Variants in ATRX observed in about 807,000 individuals in gnomAD.
ATRX encodes the protein ATRX chromatin remodeler.
ATRX carries 12 observed loss-of-function variants against 172.6 expected under a neutral mutation model. The observed-to-expected ratio is 0.07, with a 90% CI of 0.04 to 0.11. The LOEUF (loss-of-function observed/expected upper bound fraction) is 0.11, where lower values mean the gene tolerates loss of function less well. Among genes scored for constraint, ATRX ranks in the 10% least tolerant of loss-of-function variants. The pLI is 1.00. For synonymous variants in ATRX, 674 were observed against 594.7 expected (o/e 1.13, Z -1.94); for missense variants, 1,368 against 1,767.4 (o/e 0.77, Z 4.05).
At chrX:77,780,607 C>T (rs1338402806) in intron 1 of ATRX, among the ~76,000 whole-genome samples, 1 of 108,423 alleles carries the variant, frequency 9.2e-6, no homozygotes, top group Non-Finnish European at 1.9e-5. Context: ...GGATTACAGG[C>T]GTGAGCCACT....
chrX:77,548,972 G>C (rs1388252989), intron 30 of ATRX, among the ~76,000 whole-genome samples: 1 of 112,181 alleles, frequency 8.9e-6, no homozygotes, highest in Admixed American at 9.5e-5. Context: ...CTGGAAAAGG[G>C]AAGTATAAAA....
chrX:77,665,272 A>G (rs189375918), intron 10 of ATRX, among the ~76,000 whole-genome samples: 4 of 112,665 alleles, frequency 3.6e-5, no homozygotes, highest in Admixed American at 2.8e-4. Context: ...GCTTCAAACT[A>G]GAGGATGATA....
intron 28 of ATRX, among the ~76,000 whole-genome samples, chrX:77,571,965 A>G (rs1381140349): frequency 1.8e-5 from 2 of 112,112 alleles, no homozygotes; most frequent in Non-Finnish European, 3.8e-5. Flanking sequence ...GGCATAAACA[A>G]GGATTATATT....
At chrX:77,703,699 C>G (rs1352410339) in intron 2 of ATRX, among the ~76,000 whole-genome samples, 2 of 112,301 alleles carry the variant, frequency 1.8e-5, no homozygotes, top group Non-Finnish European at 3.8e-5. Flanking sequence ...TTAGCCTCAT[C>G]TGGCAGGTCC....
At chrX:77,688,691 C>A in intron 7 of ATRX, 127 bp downstream of exon 7, 3 of 548,684 alleles carry the variant, frequency 5.5e-6, no homozygotes, top group Non-Finnish European at 9.4e-6. Context: ...ATTTTCCCCA[C>A]TATAGTAGAA....
At chrX:77,646,380 G>C (rs185950460) in intron 15 of ATRX, among the ~76,000 whole-genome samples, 7 of 111,525 alleles carry the variant, frequency 6.3e-5, no homozygotes, top group Non-Finnish European at 1.1e-4. Flanking sequence ...AGGATATTAT[G>C]TATTGATAAT....
intron 2 of ATRX, among the ~76,000 whole-genome samples, chrX:77,709,436 A>T (rs1172183173): frequency 3.6e-5 from 4 of 110,298 alleles, no homozygotes; most frequent in Admixed American, 9.7e-5. Flanking sequence ...AGTTTCTTTT[A>T]AAAAAATGAA....
chrX:77,514,278 C>CA (rs1438233227), intron 34 of ATRX, among the ~76,000 whole-genome samples: 5 of 110,946 alleles, frequency 4.5e-5, no homozygotes, highest in South Asian at 3.7e-4. Context: ...TATGGAACAA[C>CA]AAAAAAAAGG....
chrX:77,773,525 G>A (rs781997573), intron 1 of ATRX, among the ~76,000 whole-genome samples: 10 of 111,193 alleles, frequency 9.0e-5, no homozygotes, highest in African/African-American at 1.3e-4. Flanking sequence ...AGGCCAAGGC[G>A]GGCGGATCAC....
intron 1 of ATRX, among the ~76,000 whole-genome samples, chrX:77,746,421 T>C (rs1011316103): frequency 1.1e-4 from 12 of 112,087 alleles, no homozygotes; most frequent in African/African-American, 3.6e-4. Context: ...TATATACTTA[T>C]TGTATTTGAG....
At chrX:77,756,149 G>A (rs192161959) in intron 1 of ATRX, among the ~76,000 whole-genome samples, 229 of 111,731 alleles carry the variant, frequency 2.0e-3, no homozygotes, top group Non-Finnish European at 3.5e-3. Context: ...AGTGCTGTCA[G>A]GGGAAAACTG....
At chrX:77,511,694 C>A (rs1261729719) in intron 34 of ATRX, among the ~76,000 whole-genome samples, 3 of 111,634 alleles carry the variant, frequency 2.7e-5, no homozygotes, top group Non-Finnish European at 5.6e-5. Flanking sequence ...TATTAAGAGT[C>A]TCTTAATAGC....
chrX:77,768,989 A>C (rs2076065489), intron 1 of ATRX, among the ~76,000 whole-genome samples: 1 of 111,241 alleles, frequency 9.0e-6, no homozygotes, highest in Non-Finnish European at 1.9e-5. Flanking sequence ...CACCATCACA[A>C]GCCACAATTT....
At chrX:77,742,943 A>G (rs1210236600) in intron 1 of ATRX, among the ~76,000 whole-genome samples, 4 of 111,428 alleles carry the variant, frequency 3.6e-5, no homozygotes, top group African/African-American at 9.8e-5. Flanking sequence ...ATCTCAGCTC[A>G]TAACTGTGAG....
chrX:77,722,525 G>A (rs1472979491), intron 1 of ATRX, among the ~76,000 whole-genome samples: 1 of 111,473 alleles, frequency 9.0e-6, no homozygotes. Context: ...CAAAAAGTGG[G>A]CAAAGGATAT....
At chrX:77,699,141 C>CA (rs1453917125) in intron 2 of ATRX, among the ~76,000 whole-genome samples, 1 of 108,081 alleles carries the variant, frequency 9.3e-6, no homozygotes, top group Non-Finnish European at 1.9e-5. Context: ...CCTTTTCCTC[C>CA]TTTTTTTTTA....
intron 15 of ATRX, among the ~76,000 whole-genome samples, chrX:77,639,763 G>T (rs2068562295): frequency 8.9e-6 from 1 of 111,989 alleles, no homozygotes; most frequent in South Asian, 3.7e-4. Context: ...GCCTATTAGT[G>T]ACTAAGTAGA....
chrX:77,718,732 G>A (rs1557167023), intron 1 of ATRX, among the ~76,000 whole-genome samples: 1 of 110,143 alleles, frequency 9.1e-6, no homozygotes, highest in African/African-American at 3.3e-5. Flanking sequence ...AGGGTTTTAA[G>A]GAGTTAAAAC....
At chrX:77,729,527 A>G (rs113865803) in intron 1 of ATRX, among the ~76,000 whole-genome samples, 16,935 of 111,904 alleles carry the variant, frequency 0.15, 1,256 homozygotes, top group Middle Eastern at 0.23. Flanking sequence ...ATGACGCAAA[A>G]CTAATTTAAA....
Sources: allele counts gnomAD v4.1 joint callset (sites outside exome capture counted in the v4.1 genomes callset), GRCh38; gene constraint gnomAD v4.1.1; transcripts MANE v1.5; gene names NCBI Gene and HGNC (gene_info 2026-07-23, HGNC 2026-07-21).